SUGP1: variants seen among roughly 807,000 people sequenced by gnomAD.
SUGP1 encodes the protein SURP and G-patch domain containing 1.
In SUGP1, 34 loss-of-function variants were observed where a neutral mutation model predicts 76.5. The ratio of observed to expected loss-of-function variants is 0.44; its 90% CI spans 0.34 to 0.59. The LOEUF (loss-of-function observed/expected upper bound fraction) is 0.59, where lower values mean the gene tolerates loss of function less well. SUGP1 is among the 20% of genes least tolerant of loss of function. The probability of loss-of-function intolerance (pLI) is 0.01; values close to 1 mark genes in which losing one functional copy is unlikely to be tolerated. For synonymous variants in SUGP1, 326 were observed against 326.2 expected, an observed-to-expected ratio of 1.00 and a Z score of 0.01; for missense variants, 752 against 851.7, an observed-to-expected ratio of 0.88 and a Z score of 1.46.
chr19:19,309,825 T>A (rs565031512), intron 3 of SUGP1, among the ~76,000 whole-genome samples: 45 of 152,208 alleles, frequency 3.0e-4, no homozygotes, highest in Admixed American at 2.3e-3. Context: ...GGCAGGAGAA[T>A]GGGGTGAACC....
At chr19:19,312,664 A>T (rs769953423) in intron 2 of SUGP1, among the ~76,000 whole-genome samples, 1 of 152,172 alleles carries the variant, frequency 6.6e-6, no homozygotes, top group East Asian at 1.9e-4. Flanking sequence ...AAAAGTTGAA[A>T]TTTTAGACAA....
intron 4 of SUGP1, among the ~76,000 whole-genome samples, chr19:19,305,469 G>C (rs1047163997): frequency 7.2e-5 from 11 of 152,234 alleles, no homozygotes; most frequent in African/African-American, 2.2e-4. Flanking sequence ...GAGGGGCAGT[G>C]CTTTGGGGCC....
chr19:19,295,020 G>A lies in SUGP1; in HGVS notation c.1243+1969C>T, dbSNP rs370820848. Among the ~76,000 whole-genome samples, 41 of 152,200 alleles carry A rather than the reference G, an allele frequency of 2.7e-4. 1 individual carries two copies. The highest frequency in any genetic ancestry group is 9.4e-4 in the African/African-American group (39 of 41,548). Reference sequence around the variant, plus strand: ...CAAACCAACTTTAAAATGGGAAAAGGTGGCTGGGTGCAGTGGCCTGTAAAC... The same window carrying A: ...CAAACCAACTTTAAAATGGGAAAAGATGGCTGGGTGCAGTGGCCTGTAAAC... On this transcript the variant is annotated intron_variant, in intron 8 of 13. Transcript: ENST00000247001.
At position 19,297,192 on chromosome 19, in the gene SUGP1, A is replaced by G; in HGVS notation, c.1040T>C (p.Leu347Ser). ...KSPPEALSGS[L>S]PPATTCPASS... is the part of the protein sequence containing the mutation. ...GGCGGGGCAGGTGGTGGCTGGGGGTAAGGACCCTGACAGGGCCTCAGGAGG... is the reference window on the plus strand; with the variant it reads ...GGCGGGGCAGGTGGTGGCTGGGGGTGAGGACCCTGACAGGGCCTCAGGAGG... The change falls in exon 8 of 14, where the codon TTA (leucine) becomes TCA (serine). Residue 347 changes from leucine to serine, a missense_variant. Leu to Ser is a moderately radical substitution (Grantham distance 145, BLOSUM62 -2). Coordinates refer to ENST00000247001, the MANE Select transcript of SUGP1 (RefSeq NM_172231.4). 6.2e-7 allele frequency: 1 copy of G among 1,608,838 alleles called. No individual in the cohort carries two copies. The highest frequency in any genetic ancestry group is 8.5e-7 in the Non-Finnish European group (1 of 1,176,042).
At chr19:19,282,861 A>G (rs1313741065) in intron 8 of SUGP1, among the ~76,000 whole-genome samples, 1 of 152,078 alleles carries the variant, frequency 6.6e-6, no homozygotes, top group Non-Finnish European at 1.5e-5. Context: ...GCGGATCACA[A>G]GGTCAGAAGA....
chr19:19,302,156 C>T, intron 7 of SUGP1, 109 bp downstream of exon 7: 1 of 1,519,312 alleles, frequency 6.6e-7, no homozygotes, highest in Non-Finnish European at 8.9e-7. Flanking sequence ...CTGCCAGCTT[C>T]TCACAGTGGG....
intron 5 of SUGP1, 102 bp downstream of exon 5, chr19:19,303,622 G>C: frequency 6.7e-7 from 1 of 1,485,522 alleles, no homozygotes; most frequent in Admixed American, 1.7e-5. Context: ...AAAACGCTTG[G>C]AACAGCATCC....
At chr19:19,285,403 G>A (rs2061131870) in intron 8 of SUGP1, among the ~76,000 whole-genome samples, 1 of 152,068 alleles carries the variant, frequency 6.6e-6, no homozygotes, top group South Asian at 2.1e-4. Flanking sequence ...CTGACCTCAA[G>A]TGATCCACCC....
intron 1 of SUGP1, among the ~76,000 whole-genome samples, chr19:19,318,113 C>CTTTTT (rs1192437542): frequency 3.1e-5 from 3 of 97,674 alleles, no homozygotes; most frequent in African/African-American, 8.8e-5. Context: ...ACCCAGCCTT[C>CTTTTT]TTTTTTTTTT....
chr19:19,287,837 T>C (rs1908958771), intron 8 of SUGP1, among the ~76,000 whole-genome samples: 1 of 152,144 alleles, frequency 6.6e-6, no homozygotes, highest in South Asian at 2.1e-4. Context: ...ATACTGTATA[T>C]AAACATTTTT....
intron 2 of SUGP1, among the ~76,000 whole-genome samples, chr19:19,312,774 T>G (rs1296081872): frequency 6.6e-6 from 1 of 151,210 alleles, no homozygotes; most frequent in Non-Finnish European, 1.5e-5. Context: ...GATCACGTGG[T>G]CAGGAGATCG....
chr19:19,317,811 T>TC (rs1247417319), intron 1 of SUGP1, among the ~76,000 whole-genome samples: 1 of 147,242 alleles, frequency 6.8e-6, no homozygotes, highest in Non-Finnish European at 1.5e-5. Context: ...CCAGTGGCTT[T>TC]TTTTTTTTTT....
intron 4 of SUGP1, chr19:19,305,589 C>T (rs1042311642): frequency 3.7e-5 from 15 of 400,512 alleles, no homozygotes; most frequent in Non-Finnish European, 6.8e-5. Context: ...CTGGGATGAG[C>T]CGCTGTGTGA....
Position 19,305,832 on chromosome 19 carries a change from C to G in SUGP1, c.538+17G>C, listed in dbSNP as rs376591823. 1.4e-5 allele frequency: 22 copies of G among 1,576,706 alleles called. No individual in the cohort carries two copies. In the African/African-American group the frequency reaches 2.8e-4, roughly 20 times the overall value. ...ACGGGCACTGGTGGTGGGGGAGCAG[C>G]AGCTCCCACAACTTACCTTTGATCT... On this transcript the variant is annotated intron_variant, in intron 4 of 13. Transcript: ENST00000247001.
intron 1 of SUGP1, 49 bp downstream of exon 1, chr19:19,320,414 T>A (rs775036335): frequency 5.1e-5 from 81 of 1,600,280 alleles, no homozygotes; most frequent in Non-Finnish European, 6.7e-5. Context: ...GGGAGACACC[T>A]AGCCCCAGGG....
chr19:19,289,696 C>A (rs186574253), intron 8 of SUGP1, among the ~76,000 whole-genome samples: 1 of 151,858 alleles, frequency 6.6e-6, no homozygotes, highest in Non-Finnish European at 1.5e-5. Context: ...TGCAATGAGC[C>A]GAGATAGTGC....
intron 1 of SUGP1, among the ~76,000 whole-genome samples, chr19:19,318,027 T>G (rs1452559543): frequency 3.3e-5 from 5 of 151,242 alleles, no homozygotes; most frequent in Admixed American, 6.6e-5. Context: ...TCCAGGCTGG[T>G]CTCGAACTCC....
At chr19:19,303,982 G>A (rs754958738) in intron 4 of SUGP1, 135 bp from the exon 5 acceptor site, 26 of 1,595,538 alleles carry the variant, frequency 1.6e-5, no homozygotes, top group Admixed American at 3.3e-5. Context: ...CGGGCGTCCC[G>A]AGTCCAGGCA....
At chr19:19,298,560 G>T (rs903446703) in intron 7 of SUGP1, among the ~76,000 whole-genome samples, 2 of 152,168 alleles carry the variant, frequency 1.3e-5, no homozygotes, top group Non-Finnish European at 2.9e-5. Flanking sequence ...AGGTGAGCCT[G>T]TGTGTCTACG....
Sources: allele counts gnomAD v4.1 joint callset (sites outside exome capture counted in the v4.1 genomes callset), GRCh38; gene constraint gnomAD v4.1.1; transcripts MANE v1.5; gene names NCBI Gene and HGNC (gene_info 2026-07-23, HGNC 2026-07-21).